ZNF516: variants seen among roughly 807,000 people sequenced by gnomAD.
ZNF516 encodes the protein zinc finger protein 516.
In ZNF516, 19 loss-of-function variants were observed where a neutral mutation model predicts 79.7. That is an observed-to-expected ratio of 0.24 (90% confidence interval 0.17 to 0.35). ZNF516 has a LOEUF of 0.35. ZNF516 is among the 10% of genes least tolerant of loss of function. The pLI, the probability that ZNF516 is intolerant of heterozygous loss-of-function variation, is 1.00. For missense variants in ZNF516, 1,678 were observed against 1,679.5 expected, an observed-to-expected ratio of 1.00 and a Z score of 0.02; for synonymous variants, 877 against 739.5, an observed-to-expected ratio of 1.19 and a Z score of -3.02.
intron 2 of ZNF516, among the ~76,000 whole-genome samples, chr18:76,452,780 CTG>C (rs1912494987): frequency 6.6e-6 from 1 of 152,086 alleles, no homozygotes; most frequent in Non-Finnish European, 1.5e-5. Context: ...GAAATATGAC[CTG>C]GGGGAGGAGG....
intron 3 of ZNF516, among the ~76,000 whole-genome samples, chr18:76,432,716 T>C (rs980971660): frequency 7.9e-5 from 12 of 152,134 alleles, no homozygotes; most frequent in Admixed American, 7.9e-4. Context: ...TGGGAAACCA[T>C]CCAGTGGCCT....
chr18:76,438,041 G>A (rs868009874), intron 3 of ZNF516, among the ~76,000 whole-genome samples: 1 of 152,308 alleles, frequency 6.6e-6, no homozygotes. Context: ...GGTGAAAAGC[G>A]GGAGTAGTGA....
intron 1 of ZNF516, among the ~76,000 whole-genome samples, chr18:76,481,706 G>C (rs772266912): frequency 2.6e-5 from 4 of 152,224 alleles, no homozygotes; most frequent in Non-Finnish European, 5.9e-5. Flanking sequence ...TCTGTTCATA[G>C]TAGGCACTTG....
At chr18:76,445,203 G>A (rs28603098) in intron 2 of ZNF516, among the ~76,000 whole-genome samples, 4,465 of 151,342 alleles carry the variant, frequency 0.03, 106 homozygotes, top group African/African-American at 0.052. Flanking sequence ...GTTGCAGTGA[G>A]CTGAGATCAT....
chr18:76,412,993 A>G (rs574420966), intron 3 of ZNF516, among the ~76,000 whole-genome samples: 1 of 152,366 alleles, frequency 6.6e-6, no homozygotes, highest in African/African-American at 2.4e-5. Flanking sequence ...AGCCCTGCTC[A>G]GAGGCCCACT....
chr18:76,402,169 G>T (rs986707322), intron 3 of ZNF516, among the ~76,000 whole-genome samples: 1 of 152,166 alleles, frequency 6.6e-6, no homozygotes, highest in African/African-American at 2.4e-5. Context: ...CAACACCAAT[G>T]AATTCATTTA....
intron 3 of ZNF516, among the ~76,000 whole-genome samples, chr18:76,381,313 G>A (rs906873168): frequency 4.6e-5 from 7 of 152,112 alleles, no homozygotes; most frequent in African/African-American, 1.2e-4. Flanking sequence ...TCTAGACATC[G>A]AAACAGGGCA....
chr18:76,423,307 C>T (rs945090037), intron 3 of ZNF516, among the ~76,000 whole-genome samples: 2 of 152,230 alleles, frequency 1.3e-5, no homozygotes, highest in African/African-American at 4.8e-5. Context: ...GCCCTTCTTG[C>T]GTGTTCTCGT....
intron 2 of ZNF516, among the ~76,000 whole-genome samples, chr18:76,452,980 C>A (rs1912508233): frequency 6.6e-6 from 1 of 152,144 alleles, no homozygotes; most frequent in South Asian, 2.1e-4. Flanking sequence ...ATTTTTATAT[C>A]AGAAGGGAAG....
intron 2 of ZNF516, among the ~76,000 whole-genome samples, chr18:76,456,332 T>G (rs1348453532): frequency 6.6e-6 from 1 of 152,228 alleles, no homozygotes; most frequent in Admixed American, 6.5e-5. Flanking sequence ...GCAAGAGAGA[T>G]AAGCACGCTG....
At chr18:76,401,723 C>T (rs1212994457) in intron 3 of ZNF516, among the ~76,000 whole-genome samples, 3 of 151,610 alleles carry the variant, frequency 2.0e-5, no homozygotes, top group Middle Eastern at 3.4e-3. Flanking sequence ...GAGCCAACCA[C>T]ACCCCCGCGC....
At chr18:76,426,634 C>T (rs1188522064) in intron 3 of ZNF516, among the ~76,000 whole-genome samples, 3 of 151,854 alleles carry the variant, frequency 2.0e-5, no homozygotes, top group African/African-American at 7.3e-5. Context: ...AAAACAAACA[C>T]ATTATTTGAA....
rs1000149698 is a variant in ZNF516, at chr18:76,451,748, G to A, written c.-157-8537C>T. ...TTCACTAGTTACACTGTAGTATTAT[G>A]AACCATGAATTAAAATACATCATTA... On this transcript the variant is annotated intron_variant, in intron 2 of 6. Transcript: ENST00000443185. This position sits in a 1 kb window ranked among gnomAD's most constrained non-coding sequence, Gnocchi z 6.0. Among the ~76,000 whole-genome samples the A allele has an allele frequency of 6.6e-6, 1 of 152,126 alleles. No homozygotes were observed. The highest frequency in any genetic ancestry group is 2.4e-5 in the African/African-American group (1 of 41,428).
intron 3 of ZNF516, among the ~76,000 whole-genome samples, chr18:76,424,404 T>A: frequency 8.5e-6 from 1 of 117,446 alleles, no homozygotes; most frequent in East Asian, 2.7e-4. Flanking sequence ...CACACGCAGG[T>A]GAAAAGGCTC....
At chr18:76,370,675 A>T in intron 5 of ZNF516, 80 bp from the exon 6 acceptor site, 1 of 1,225,806 alleles carries the variant, frequency 8.2e-7, no homozygotes, top group Admixed American at 3.3e-5. Context: ...TTACAGATTA[A>T]GTACTTCCAC....
chr18:76,462,686 G>A (rs758701460), intron 2 of ZNF516, among the ~76,000 whole-genome samples: 8 of 152,184 alleles, frequency 5.3e-5, no homozygotes, highest in South Asian at 2.1e-4. Context: ...TAATATCCTC[G>A]AGCCAATAGT....
chr18:76,475,368 C>G (rs1017270641), intron 1 of ZNF516, among the ~76,000 whole-genome samples: 1 of 152,194 alleles, frequency 6.6e-6, no homozygotes, highest in African/African-American at 2.4e-5. Flanking sequence ...ATATCAAGCA[C>G]TGACAAAGAG....
At position 76,431,334 on chromosome 18, in the gene ZNF516, T is replaced by TA. The variant is rs551807796; in HGVS notation, c.1810+9910dup. 3.3e-4 allele frequency among the ~76,000 whole-genome samples: 51 copies of TA among 152,282 alleles called. 1 individual carries two copies. In the East Asian group the frequency reaches 7.9e-3, roughly 24 times the overall value. On this transcript the variant is annotated intron_variant, in intron 3 of 6. Coordinates refer to ENST00000443185, the MANE Select transcript of ZNF516 (RefSeq NM_014643.4). ...TAAAAGAAAGTCTAAACTTATGAAA[T>TA]AATTCAGTGTGCCCATGATGAAAAT... is the stretch of plus-strand genomic sequence containing the variant.
Position 76,357,894 on chromosome 18 carries a change from T to C in ZNF516, c.*4604A>G, listed in dbSNP as rs2074478918. Reference sequence around the variant, plus strand: ...AGTGCAAGGGTAAGAACAGTGGGTGTATTCAGTGGGGAAATAACATGTGTG... The same window carrying C: ...AGTGCAAGGGTAAGAACAGTGGGTGCATTCAGTGGGGAAATAACATGTGTG... On this transcript the variant is annotated 3_prime_UTR_variant, in exon 7 of 7. Transcript: ENST00000443185. 6.6e-6 allele frequency among the ~76,000 whole-genome samples: 1 copy of C among 152,018 alleles called. No individual in the cohort carries two copies. The highest frequency in any genetic ancestry group is 6.6e-5 in the Admixed American group (1 of 15,266).
Sources: allele counts gnomAD v4.1 joint callset (sites outside exome capture counted in the v4.1 genomes callset), GRCh38; gene constraint gnomAD v4.1.1; non-coding constraint Gnocchi (gnomAD v3.1); transcripts MANE v1.5; gene names NCBI Gene and HGNC (gene_info 2026-07-23, HGNC 2026-07-21).